The following EIF4E variants were observed in gnomAD, a reference collection of about 807,000 sequenced individuals.
EIF4E encodes the protein eukaryotic translation initiation factor 4E.
For missense variants in EIF4E, 113 were observed against 265.6 expected, an observed-to-expected ratio of 0.43 and a Z score of 3.99; for synonymous variants, 71 against 88.5, an observed-to-expected ratio of 0.80 and a Z score of 1.11.
intron 3 of EIF4E, among the ~76,000 whole-genome samples, chr4:98,889,391 A>G (rs1039374555): frequency 2.0e-5 from 3 of 152,194 alleles, no homozygotes; most frequent in African/African-American, 7.2e-5. Flanking sequence ...AAATGAATGG[A>G]TATTGTGGGA....
chr4:98,924,592 T>C (rs961245493), intron 1 of EIF4E, among the ~76,000 whole-genome samples: 3 of 142,944 alleles, frequency 2.1e-5, no homozygotes, highest in Admixed American at 6.9e-5. Context: ...AATTTGTTTC[T>C]GTTTTTTTTT....
chr4:98,892,119 G>A (rs1385265100), intron 2 of EIF4E, among the ~76,000 whole-genome samples: 1 of 151,982 alleles, frequency 6.6e-6, no homozygotes, highest in African/African-American at 2.4e-5. Flanking sequence ...GGCTGAGGTG[G>A]GCGGATCACC....
chr4:98,900,935 C>T (rs1724616224), intron 2 of EIF4E, among the ~76,000 whole-genome samples: 3 of 152,242 alleles, frequency 2.0e-5, no homozygotes, highest in Non-Finnish European at 4.4e-5. Context: ...AGTCCAACTT[C>T]AAGTCACCTG....
At chr4:98,885,473 G>A (rs1723878115) in intron 5 of EIF4E, among the ~76,000 whole-genome samples, 1 of 151,968 alleles carries the variant, frequency 6.6e-6, no homozygotes. Context: ...TTTGAGACAG[G>A]GTCTTGCTCT....
chr4:98,904,373 T>A (rs578242059), intron 1 of EIF4E, among the ~76,000 whole-genome samples: 2 of 152,218 alleles, frequency 1.3e-5, no homozygotes, highest in Non-Finnish European at 2.9e-5. Flanking sequence ...AAGCAAGTTA[T>A]CACTCAGGAA....
At chr4:98,918,296 G>C (rs1423208138) in intron 1 of EIF4E, among the ~76,000 whole-genome samples, 6 of 151,186 alleles carry the variant, frequency 4.0e-5, no homozygotes, top group African/African-American at 1.5e-4. Flanking sequence ...CCAAGAGGCG[G>C]AGGTTGCAGT....
In EIF4E at chr4:98,929,082, A is replaced by G; in HGVS notation, c.18+13T>C. Reference sequence around the variant, plus strand: ...GGGGACCCGTGGGGGTGGGGGCCAAAGGCAATACTCACCGGTTCGACAGTC... The same window carrying G: ...GGGGACCCGTGGGGGTGGGGGCCAAGGGCAATACTCACCGGTTCGACAGTC... On this transcript the variant is annotated intron_variant, in intron 1 of 6. Coordinates refer to ENST00000450253, the MANE Select transcript of EIF4E (RefSeq NM_001968.5). 1 of 1,583,608 alleles carries G rather than the reference A, an allele frequency of 6.3e-7. No homozygotes were observed. The highest frequency in any genetic ancestry group is 1.2e-5 in the South Asian group (1 of 86,868).
chr4:98,924,696 G>A (rs972790583), intron 1 of EIF4E, among the ~76,000 whole-genome samples: 14 of 152,042 alleles, frequency 9.2e-5, no homozygotes, highest in African/African-American at 2.4e-5. Flanking sequence ...AGGTTCAAGC[G>A]ATTCTCCTGC....
At chr4:98,907,239 TA>T (rs1373043098) in intron 1 of EIF4E, among the ~76,000 whole-genome samples, 6 of 152,200 alleles carry the variant, frequency 3.9e-5, no homozygotes, top group African/African-American at 1.4e-4. Flanking sequence ...TAATGCAATA[TA>T]AAGTCATTTT....
chr4:98,896,500 A>C (rs1724402912), intron 2 of EIF4E, among the ~76,000 whole-genome samples: 1 of 148,410 alleles, frequency 6.7e-6, no homozygotes, highest in Non-Finnish European at 1.5e-5. Flanking sequence ...AAAAAAAAAA[A>C]AAAAAAAAAA....
intron 1 of EIF4E, among the ~76,000 whole-genome samples, chr4:98,924,824 C>A (rs1400868834): frequency 6.6e-6 from 1 of 151,676 alleles, no homozygotes; most frequent in African/African-American, 2.4e-5. Flanking sequence ...AACACCTGAC[C>A]TCAAGTGATC....
intron 1 of EIF4E, among the ~76,000 whole-genome samples, chr4:98,916,021 T>G (rs1267438050): frequency 6.6e-6 from 1 of 151,164 alleles, no homozygotes; most frequent in East Asian, 2.0e-4. Context: ...TGAAAACTCG[T>G]CTCTACTAAA....
intron 2 of EIF4E, among the ~76,000 whole-genome samples, chr4:98,897,050 T>G (rs1281549668): frequency 1.3e-5 from 2 of 152,230 alleles, no homozygotes; most frequent in Non-Finnish European, 2.9e-5. Context: ...GTTCTCAAAA[T>G]GTGGTCTGCA....
chr4:98,917,878 C>A (rs187953144), intron 1 of EIF4E, among the ~76,000 whole-genome samples: 1 of 152,180 alleles, frequency 6.6e-6, no homozygotes, highest in African/African-American at 2.4e-5. Flanking sequence ...GAGTTTGAGA[C>A]CAGCCTGGCC....
Position 98,891,359 on chromosome 4 carries a change from A to C in EIF4E, c.126-27T>G, listed in dbSNP as rs767229805. 9 of 1,593,678 alleles carry C rather than the reference A, an allele frequency of 5.6e-6. No homozygotes were observed. The East Asian group carries it at 1.8e-4, about 32-fold the overall frequency. ...TAAAAATAAAAAATCAGTGTCAAAA[A>C]ATGGTAGCTGCATACCCATGTTAAA... On this transcript the variant is annotated intron_variant, in intron 2 of 6. Transcript: ENST00000450253.
chr4:98,885,415 T>C (rs1723873761), intron 5 of EIF4E, among the ~76,000 whole-genome samples: 1 of 152,214 alleles, frequency 6.6e-6, no homozygotes, highest in African/African-American at 2.4e-5. Flanking sequence ...CTTGTTCTTA[T>C]TTTTTATGAA....
At chr4:98,923,970 A>G (rs1725763125) in intron 1 of EIF4E, among the ~76,000 whole-genome samples, 1 of 152,194 alleles carries the variant, frequency 6.6e-6, no homozygotes, top group African/African-American at 2.4e-5. Flanking sequence ...GATCACTCAG[A>G]TATTAAGATG....
intron 2 of EIF4E, among the ~76,000 whole-genome samples, chr4:98,891,801 T>C (rs928101148): frequency 6.6e-6 from 1 of 152,206 alleles, no homozygotes. Context: ...AATGTTTATG[T>C]TTACCACAAA....
intron 1 of EIF4E, among the ~76,000 whole-genome samples, chr4:98,917,139 A>C (rs1198813506): frequency 1.5e-4 from 21 of 140,844 alleles, no homozygotes; most frequent in African/African-American, 3.1e-4. Flanking sequence ...CACACAAAAA[A>C]AACCCAAATG....
Sources: allele counts gnomAD v4.1 joint callset (sites outside exome capture counted in the v4.1 genomes callset), GRCh38; gene constraint gnomAD v4.1.1; transcripts MANE v1.5; gene names NCBI Gene and HGNC (gene_info 2026-07-23, HGNC 2026-07-21).